The following SESTD1 variants were observed in gnomAD, a reference collection of about 807,000 sequenced individuals.
SESTD1 encodes the protein SEC14 domain and spectrin repeat-containing protein 1.
Under a neutral mutation model 101.7 loss-of-function variants are expected in SESTD1, and 43 were observed. The observed-to-expected ratio is 0.42, with a 90% confidence interval of 0.33 to 0.55. SESTD1 has a LOEUF of 0.55. Ranked by LOEUF, SESTD1 falls within the 20% of genes least tolerant of loss-of-function variation. SESTD1 has a pLI of 0.07. For missense variants in SESTD1, 647 were observed against 815.1 expected (o/e 0.79, Z 2.51); for synonymous variants, 283 against 286.8 (o/e 0.99, Z 0.13).
intron 13 of SESTD1, among the ~76,000 whole-genome samples, chr2:179,121,161 ATTT>A (rs1477369128): frequency 2.6e-5 from 4 of 152,210 alleles, no homozygotes; most frequent in Admixed American, 6.5e-5. Context: ...TGATCATAAA[ATTT>A]TTAAGTGTGC....
At chr2:179,196,000 A>T (rs943511617) in intron 1 of SESTD1, among the ~76,000 whole-genome samples, 3 of 152,168 alleles carry the variant, frequency 2.0e-5, no homozygotes, top group African/African-American at 7.2e-5. Context: ...CCCCAGCATG[A>T]ACGACACAGA....
At chr2:179,170,441 A>G (rs2045912331) in intron 5 of SESTD1, among the ~76,000 whole-genome samples, 1 of 152,164 alleles carries the variant, frequency 6.6e-6, no homozygotes, top group Admixed American at 6.5e-5. Context: ...ACCATCTGTG[A>G]TACTGTGATA....
chr2:179,194,517 T>C (rs1195194765), intron 1 of SESTD1, among the ~76,000 whole-genome samples: 2 of 152,086 alleles, frequency 1.3e-5, no homozygotes, highest in Admixed American at 6.5e-5. Flanking sequence ...TTTTACCACA[T>C]ATTGCACCCA....
intron 2 of SESTD1, among the ~76,000 whole-genome samples, chr2:179,185,490 AAT>A (rs980379138): frequency 2.1e-5 from 3 of 141,052 alleles, no homozygotes; most frequent in African/African-American, 7.8e-5. Flanking sequence ...TCATATATAC[AAT>A]ATATATTATA....
intron 1 of SESTD1, among the ~76,000 whole-genome samples, chr2:179,259,788 T>G (rs1218767524): frequency 1.3e-5 from 2 of 152,252 alleles, no homozygotes; most frequent in Non-Finnish European, 2.9e-5. Context: ...ACTAATGTCT[T>G]TCTTCATAAC....
chr2:179,200,236 G>A (rs75744546), intron 1 of SESTD1, among the ~76,000 whole-genome samples: 1 of 151,804 alleles, frequency 6.6e-6, no homozygotes, highest in Non-Finnish European at 1.5e-5. Flanking sequence ...ACCTCTTCAA[G>A]GAGAACTACA....
At chr2:179,175,530 C>CTGCCA (rs1249274200) in intron 4 of SESTD1, among the ~76,000 whole-genome samples, 7 of 152,070 alleles carry the variant, frequency 4.6e-5, no homozygotes, top group African/African-American at 1.7e-4. Context: ...CTAGACTGGC[C>CTGCCA]TGCCATCAAC....
chr2:179,144,474 A>C (rs2045352338), intron 8 of SESTD1, among the ~76,000 whole-genome samples: 1 of 152,150 alleles, frequency 6.6e-6, no homozygotes, highest in Non-Finnish European at 1.5e-5. Flanking sequence ...CAATTACAGC[A>C]AACTCATGTA....
Position 179,121,757 on chromosome 2 carries a change from G to T in SESTD1, c.1442+13C>A. On this transcript the variant is annotated intron_variant, in intron 13 of 17. Coordinates refer to ENST00000428443, the MANE Select transcript of SESTD1 (RefSeq NM_178123.5). ...ATTATTTTAGTAAAAAGTAATTAACGGTCAAACTTTGCCTTTGTTTTCTAA... is the reference window on the plus strand; with the variant it reads ...ATTATTTTAGTAAAAAGTAATTAACTGTCAAACTTTGCCTTTGTTTTCTAA... 6.5e-7 allele frequency: 1 copy of T among 1,542,178 alleles called. No homozygotes were observed. Among genetic ancestry groups the T allele is most frequent in the South Asian group, 1.3e-5 (1 of 78,782 alleles).
rs575279131 is a variant in SESTD1, at chr2:179,199,849, CT to C, written c.-25-7984del. 5.5e-3 allele frequency among the ~76,000 whole-genome samples: 834 copies of C among 152,278 alleles called. 7 individuals are homozygous for C. Among genetic ancestry groups the C allele is most frequent in the Non-Finnish European group, 8.8e-3 (598 of 68,028 alleles). On this transcript the variant is annotated intron_variant, in intron 1 of 17. Coordinates refer to ENST00000428443, the MANE Select transcript of SESTD1 (RefSeq NM_178123.5). ...CTATGGCAAAAACTGGAAGCATTCC[CT>C]TTGAAAACTGGCACAAGACAGAGAT...
At chr2:179,247,944 C>T (rs1015893058) in intron 1 of SESTD1, among the ~76,000 whole-genome samples, 2 of 151,808 alleles carry the variant, frequency 1.3e-5, no homozygotes, top group Non-Finnish European at 2.9e-5. Flanking sequence ...TAAGGCAATG[C>T]TGAAGGGAAA....
intron 9 of SESTD1, among the ~76,000 whole-genome samples, chr2:179,135,239 C>G (rs1360012447): frequency 6.6e-6 from 1 of 152,068 alleles, no homozygotes; most frequent in Non-Finnish European, 1.5e-5. Context: ...CACCGCCCCC[C>G]GGCCCAAACT....
At chr2:179,112,455 T>TA (rs1559094557) in intron 17 of SESTD1, among the ~76,000 whole-genome samples, 1 of 152,248 alleles carries the variant, frequency 6.6e-6, no homozygotes, top group African/African-American at 2.4e-5. Context: ...CCCACCATCA[T>TA]AGCCAAGGCT....
intron 8 of SESTD1, 67 bp from the exon 9 acceptor site, chr2:179,143,870 C>G: frequency 6.6e-7 from 1 of 1,524,750 alleles, no homozygotes; most frequent in Non-Finnish European, 8.9e-7. Flanking sequence ...TCTCAATATT[C>G]CCAATTCTAG....
chr2:179,247,600 A>ATTT (rs67407067), intron 1 of SESTD1, among the ~76,000 whole-genome samples: 4 of 149,088 alleles, frequency 2.7e-5, no homozygotes, highest in Non-Finnish European at 3.0e-5. Context: ...AATTTGTTAA[A>ATTT]TTTTTTTTTT....
chr2:179,170,736 C>T (rs1221816937), intron 5 of SESTD1, among the ~76,000 whole-genome samples: 2 of 152,160 alleles, frequency 1.3e-5, no homozygotes, highest in Admixed American at 6.5e-5. Context: ...ATGGCCACTC[C>T]TCTCCCTCCA....
intron 12 of SESTD1, among the ~76,000 whole-genome samples, chr2:179,123,461 C>A (rs1325365754): frequency 6.6e-6 from 1 of 152,034 alleles, no homozygotes; most frequent in African/African-American, 2.4e-5. Context: ...AGACACAGCA[C>A]CTGTAGATAT....
At chr2:179,151,981 A>G (rs1291673385) in intron 5 of SESTD1, among the ~76,000 whole-genome samples, 1 of 152,192 alleles carries the variant, frequency 6.6e-6, no homozygotes, top group Non-Finnish European at 1.5e-5. Flanking sequence ...CTAAACTTAA[A>G]AAGATTTCAA....
At position 179,102,473 on chromosome 2, in the gene SESTD1, A is replaced by G. The variant is rs946056499; in HGVS notation, c.*7426T>C. Reference sequence around the variant, plus strand: ...TAACAGAAATCAAACTTATTGTCCAAAGTGACAATATATCAAAGAAATACA... The same window carrying G: ...TAACAGAAATCAAACTTATTGTCCAGAGTGACAATATATCAAAGAAATACA... On this transcript the variant is annotated 3_prime_UTR_variant, in exon 18 of 18. Transcript: ENST00000428443. 20 of 152,232 alleles carry G rather than the reference A, an allele frequency of 1.3e-4. No homozygotes were observed. The highest frequency in any genetic ancestry group is 1.2e-3 in the Admixed American group (19 of 15,272). The allele number at this position is 152,232 out of a possible 1,614,324, so 9.4% of individuals were successfully genotyped here. A position where few individuals can be genotyped will look rare whatever the true frequency, so the allele number is the denominator to read the frequency against.
Sources: allele counts gnomAD v4.1 joint callset (sites outside exome capture counted in the v4.1 genomes callset), GRCh38; gene constraint gnomAD v4.1.1; transcripts MANE v1.5; gene names NCBI Gene and HGNC (gene_info 2026-07-23, HGNC 2026-07-21).